ERC2: variants seen among roughly 807,000 people sequenced by gnomAD.
ERC2 encodes ELKS/RAB6-interacting/CAST family member 2, also known as ERC protein 2.
In ERC2, 42 loss-of-function variants were observed where a neutral mutation model predicts 114.8. The observed-to-expected ratio is 0.37, with a 90% CI of 0.29 to 0.47. ERC2 has a LOEUF of 0.47. Among genes scored for constraint, ERC2 ranks in the 20% least tolerant of loss-of-function variants. The pLI is 0.99. For synonymous variants in ERC2, 454 were observed against 425.5 expected (o/e 1.07, Z -0.82); for missense variants, 939 against 1,150.7 (o/e 0.82, Z 2.66).
chr3:56,306,054 G>T (rs1363936651), intron 2 of ERC2, among the ~76,000 whole-genome samples: 1 of 152,018 alleles, frequency 6.6e-6, no homozygotes, highest in Non-Finnish European at 1.5e-5. Flanking sequence ...TCTCCGTGTT[G>T]CCCAGGCTGT....
chr3:56,183,463 A>T (rs924219963), intron 3 of ERC2, among the ~76,000 whole-genome samples: 11 of 152,226 alleles, frequency 7.2e-5, no homozygotes, highest in African/African-American at 2.7e-4. Flanking sequence ...ACTGACACAC[A>T]GCATACAATC....
chr3:55,739,074 T>G (rs1407070499), intron 14 of ERC2, among the ~76,000 whole-genome samples: 2 of 152,224 alleles, frequency 1.3e-5, no homozygotes, highest in African/African-American at 4.8e-5. Flanking sequence ...TCCATGTCCC[T>G]GCAAAGGACA....
chr3:56,160,538 T>C (rs1242079941), intron 4 of ERC2, among the ~76,000 whole-genome samples: 1 of 152,192 alleles, frequency 6.6e-6, no homozygotes, highest in Non-Finnish European at 1.5e-5. Context: ...GACTTAGTCA[T>C]AAATCCTTTC....
chr3:56,080,257 G>A (rs918351763), intron 7 of ERC2, among the ~76,000 whole-genome samples: 1 of 152,072 alleles, frequency 6.6e-6, no homozygotes, highest in Non-Finnish European at 1.5e-5. Flanking sequence ...GGGAGAAATC[G>A]AGCTGCTAAA....
intron 17 of ERC2, among the ~76,000 whole-genome samples, chr3:55,677,520 G>A (rs530990754): frequency 6.6e-6 from 1 of 152,206 alleles, no homozygotes; most frequent in South Asian, 2.1e-4. Flanking sequence ...TCTACCCAGG[G>A]TTGAATACTC....
chr3:56,456,534 T>G (rs2063068608), intron 1 of ERC2, among the ~76,000 whole-genome samples: 1 of 152,192 alleles, frequency 6.6e-6, no homozygotes, highest in Non-Finnish European at 1.5e-5. Flanking sequence ...ATATAATCCC[T>G]AAAGCTTTTT....
intron 3 of ERC2, among the ~76,000 whole-genome samples, chr3:56,251,999 G>A (rs2150234908): frequency 6.6e-6 from 1 of 152,186 alleles, no homozygotes; most frequent in East Asian, 1.9e-4. Flanking sequence ...GGTTCTCAGC[G>A]CTGCCTTATA....
intron 13 of ERC2, among the ~76,000 whole-genome samples, chr3:55,905,379 T>G (rs1304898211): frequency 1.3e-5 from 2 of 152,024 alleles, no homozygotes; most frequent in Non-Finnish European, 2.9e-5. Flanking sequence ...CCACGCACAT[T>G]CTTCTTTTTA....
chr3:56,091,666 G>T (rs1026703493), intron 6 of ERC2, among the ~76,000 whole-genome samples: 1 of 152,150 alleles, frequency 6.6e-6, no homozygotes, highest in African/African-American at 2.4e-5. Context: ...AAATGTGTAA[G>T]GAGAGGACAT....
intron 17 of ERC2, among the ~76,000 whole-genome samples, chr3:55,646,031 G>A (rs1456166394): frequency 1.3e-5 from 2 of 152,170 alleles, no homozygotes; most frequent in African/African-American, 2.4e-5. Context: ...CTCTACTCTA[G>A]TGGAAAATGA....
At chr3:56,175,205 C>A (rs1415654977) in intron 3 of ERC2, among the ~76,000 whole-genome samples, 1 of 152,142 alleles carries the variant, frequency 6.6e-6, no homozygotes, top group African/African-American at 2.4e-5. Flanking sequence ...AGCTCTGGAC[C>A]AGGAATCTGA....
chr3:55,808,741 ATAACG>A (rs2059597230), intron 14 of ERC2, among the ~76,000 whole-genome samples: 4 of 101,340 alleles, frequency 3.9e-5, no homozygotes, highest in Non-Finnish European at 8.0e-5. Context: ...ATATATATAT[ATAACG>A]TATAACTAAA....
In ERC2 at chr3:55,565,253, T is replaced by C. The variant is rs149984051; in HGVS notation, c.*40-53977A>G. Among the ~76,000 whole-genome samples the C allele has an allele frequency of 3.3e-5, 5 of 152,382 alleles. No homozygotes were observed. The East Asian group carries it at 5.8e-4, about 18-fold the overall frequency. On this transcript the variant is annotated intron_variant, in intron 17 of 17. Coordinates refer to ENST00000288221, the MANE Select transcript of ERC2 (RefSeq NM_015576.3). The stretch of plus-strand genomic sequence containing the variant: ...TTAAAATAGTTGTTTAAGGAAAGAA[T>C]AAGTGATGTATATAAAATATCCAAC...
chr3:55,770,710 A>G (rs2068131993), intron 14 of ERC2, among the ~76,000 whole-genome samples: 1 of 152,138 alleles, frequency 6.6e-6, no homozygotes, highest in Admixed American at 6.5e-5. Flanking sequence ...GGTTTGTTAC[A>G]TAGGTACACA....
intron 1 of ERC2, among the ~76,000 whole-genome samples, chr3:56,458,593 C>T (rs2063170652): frequency 6.6e-6 from 1 of 152,156 alleles, no homozygotes; most frequent in South Asian, 2.1e-4. Flanking sequence ...GACCCAGGTG[C>T]TTTTGTATCC....
intron 14 of ERC2, among the ~76,000 whole-genome samples, chr3:55,763,405 G>A (rs1206061152): frequency 1.3e-5 from 2 of 152,198 alleles, no homozygotes; most frequent in Non-Finnish European, 2.9e-5. Flanking sequence ...TCTTGAGTGA[G>A]ACTATGAAGA....
At chr3:56,040,946 C>T (rs1042782196) in intron 7 of ERC2, among the ~76,000 whole-genome samples, 10 of 151,686 alleles carry the variant, frequency 6.6e-5, no homozygotes, top group Admixed American at 6.6e-4. Context: ...TTCCACTCTA[C>T]CGTTGAGTCC....
intron 14 of ERC2, among the ~76,000 whole-genome samples, chr3:55,874,042 G>T (rs2062711251): frequency 1.3e-5 from 2 of 152,228 alleles, no homozygotes; most frequent in Admixed American, 1.3e-4. Flanking sequence ...GAATCCATGA[G>T]AAGGAGCGCT....
chr3:55,846,179 G>A (rs1304148066), intron 14 of ERC2, among the ~76,000 whole-genome samples: 1 of 152,144 alleles, frequency 6.6e-6, no homozygotes, highest in African/African-American at 2.4e-5. Flanking sequence ...TCCAGAGTCT[G>A]TTGTTTCCTT....
Sources: allele counts gnomAD v4.1 joint callset (sites outside exome capture counted in the v4.1 genomes callset), GRCh38; gene constraint gnomAD v4.1.1; transcripts MANE v1.5; gene names NCBI Gene and HGNC (gene_info 2026-07-23, HGNC 2026-07-21).